Variants in NAA11 observed in about 807,000 individuals in gnomAD.
The protein encoded by NAA11 is N-alpha-acetyltransferase 11, NatA catalytic subunit.
Under a neutral mutation model 16.1 loss-of-function variants are expected in NAA11, and 15 were observed. The observed-to-expected ratio is 0.93, with a 90% confidence interval of 0.62 to 1.44. The LOEUF (loss-of-function observed/expected upper bound fraction) is 1.44, where lower values mean the gene tolerates loss of function less well. Ranked by LOEUF, NAA11 falls within the 40% of genes most tolerant of loss-of-function variation. The pLI, the probability that NAA11 is intolerant of heterozygous loss-of-function variation, is 0.00. For synonymous variants in NAA11, 122 were observed against 112.4 expected (o/e 1.09, Z -0.54); for missense variants, 298 against 291.3 (o/e 1.02, Z -0.17).
chr4:79,273,027 G>A (rs1405256932), intron 2 of NAA11, among the ~76,000 whole-genome samples: 2 of 151,894 alleles, frequency 1.3e-5, no homozygotes, highest in Non-Finnish European at 2.9e-5. Flanking sequence ...TTCCCTCAAA[G>A]AGAGAGTTCC....
chr4:79,218,730 T>C, the NAA11 span, among the ~76,000 whole-genome samples: 1 of 152,112 alleles, frequency 6.6e-6, no homozygotes, highest in Non-Finnish European at 1.5e-5. Flanking sequence ...ACCTTTACAA[T>C]TGAGGTGTAA....
chr4:79,176,301 G>A, the NAA11 span, among the ~76,000 whole-genome samples: 4 of 152,140 alleles, frequency 2.6e-5, no homozygotes, highest in Admixed American at 6.6e-5. Flanking sequence ...CAATTCTTTT[G>A]TGTATGCATG....
In NAA11 at chr4:79,285,754, T is replaced by C. The variant is rs1453923834; in HGVS notation, c.*122+8251A>G. 2.0e-5 allele frequency among the ~76,000 whole-genome samples: 3 copies of C among 152,066 alleles called. No homozygotes were observed. The East Asian group carries it at 5.8e-4, about 29-fold the overall frequency. On this transcript the variant is annotated intron_variant and NMD_transcript_variant, in intron 2 of 2. Transcript: ENST00000511542. ...CAAGTTAGTAAAGATTTTCTAGTAGTGTAAATCATGCTACATGATTTCTGT... is the reference window on the plus strand; with the variant it reads ...CAAGTTAGTAAAGATTTTCTAGTAGCGTAAATCATGCTACATGATTTCTGT...
the NAA11 span, among the ~76,000 whole-genome samples, chr4:79,171,254 A>T: frequency 6.6e-6 from 1 of 152,138 alleles, no homozygotes; most frequent in Non-Finnish European, 1.5e-5. Flanking sequence ...GGAGTGAATT[A>T]TATATTGTGG....
intron 2 of NAA11, among the ~76,000 whole-genome samples, chr4:79,288,805 AG>A: frequency 6.6e-6 from 1 of 152,286 alleles, no homozygotes; most frequent in Non-Finnish European, 1.5e-5. Context: ...GAAACCTTAA[AG>A]TCATTCATAA....
At chr4:79,292,545 G>A (rs927592476) in intron 2 of NAA11, among the ~76,000 whole-genome samples, 2 of 152,130 alleles carry the variant, frequency 1.3e-5, no homozygotes, top group African/African-American at 4.8e-5. Flanking sequence ...TTATGATTGC[G>A]TATAAAGTAC....
downstream of NAA11, among the ~76,000 whole-genome samples, chr4:79,225,159 G>T (rs1418381149): frequency 2.0e-5 from 3 of 151,952 alleles, no homozygotes; most frequent in Non-Finnish European, 4.4e-5. Context: ...ACTAATGTAA[G>T]ATATTAAAAA....
At chr4:79,211,228 T>C in the NAA11 span, among the ~76,000 whole-genome samples, 2 of 152,168 alleles carry the variant, frequency 1.3e-5, no homozygotes, top group African/African-American at 4.8e-5. Context: ...AAACGCTAGA[T>C]ATTTTCTTAA....
intron 1 of NAA11, among the ~76,000 whole-genome samples, chr4:79,323,209 A>AAAGG: frequency 6.6e-6 from 1 of 152,224 alleles, no homozygotes; most frequent in South Asian, 2.1e-4. Flanking sequence ...TAAGGTGACT[A>AAAGG]GATTAAGATG....
chr4:79,206,373 C>G, the NAA11 span, among the ~76,000 whole-genome samples: 6 of 152,030 alleles, frequency 3.9e-5, no homozygotes, highest in African/African-American at 1.2e-4. Flanking sequence ...TCTTCAAAGA[C>G]TTTCCCCCCC....
chr4:79,165,895 T>C, the NAA11 span, among the ~76,000 whole-genome samples: 1 of 152,216 alleles, frequency 6.6e-6, no homozygotes, highest in Admixed American at 6.5e-5. Context: ...AGTTATTGCC[T>C]AAAAGTAAGT....
At chr4:79,296,893 T>C (rs138231434) in intron 1 of NAA11, among the ~76,000 whole-genome samples, 33 of 152,348 alleles carry the variant, frequency 2.2e-4, no homozygotes, top group African/African-American at 7.2e-4. Flanking sequence ...ATTAAGGCTA[T>C]TGATTCTTCA....
At chr4:79,274,866 T>C (rs1409681958) in intron 2 of NAA11, among the ~76,000 whole-genome samples, 1 of 152,076 alleles carries the variant, frequency 6.6e-6, no homozygotes, top group Non-Finnish European at 1.5e-5. Flanking sequence ...TTCATAAAAG[T>C]ATCTAATCTA....
At chr4:79,175,502 G>T in the NAA11 span, among the ~76,000 whole-genome samples, 28 of 152,146 alleles carry the variant, frequency 1.8e-4, no homozygotes, top group Non-Finnish European at 3.2e-4. Context: ...TGTACCTGAA[G>T]TTAGCAGTTT....
At chr4:79,318,016 C>T (rs375431661) in intron 1 of NAA11, among the ~76,000 whole-genome samples, 37 of 152,160 alleles carry the variant, frequency 2.4e-4, no homozygotes, top group African/African-American at 8.4e-4. Flanking sequence ...CATAAGAACA[C>T]ATGAACCTTT....
the NAA11 span, among the ~76,000 whole-genome samples, chr4:79,203,276 A>G: frequency 6.6e-6 from 1 of 151,800 alleles, no homozygotes; most frequent in African/African-American, 2.4e-5. Context: ...AATATATTCT[A>G]AACTCTGAAG....
chr4:79,256,458 TGGTTGCACCC>T (rs933364491), intron 2 of NAA11, among the ~76,000 whole-genome samples: 1 of 151,948 alleles, frequency 6.6e-6, no homozygotes, highest in Non-Finnish European at 1.5e-5. Flanking sequence ...GATCAGACAC[TGGTTGCACCC>T]CTTTGGCAAC....
the NAA11 span, among the ~76,000 whole-genome samples, chr4:79,177,781 C>G: frequency 6.6e-6 from 1 of 152,014 alleles, no homozygotes; most frequent in Admixed American, 6.6e-5. Context: ...GGTAGTTTGG[C>G]TTTTTGGGAA....
At chr4:79,247,887 A>C (rs1273917384) in intron 2 of NAA11, among the ~76,000 whole-genome samples, 1 of 152,134 alleles carries the variant, frequency 6.6e-6, no homozygotes, top group East Asian at 1.9e-4. Flanking sequence ...AGCAGCTTAG[A>C]GAGGTGGTAG....
Sources: gnomAD v4.1 joint callset for allele counts (sites outside exome capture counted in the v4.1 genomes callset) on GRCh38, gnomAD v4.1.1 for gene constraint, MANE v1.5 for transcripts, NCBI Gene and HGNC (gene_info 2026-07-23, HGNC 2026-07-21) for gene names.